The following PAK5 variants were observed in gnomAD, a reference collection of about 807,000 sequenced individuals.
The protein encoded by PAK5 is serine/threonine-protein kinase PAK 5.
Under a neutral mutation model 65.9 loss-of-function variants are expected in PAK5, and 16 were observed. That is an observed-to-expected ratio of 0.24 (90% CI 0.16 to 0.37). The LOEUF (loss-of-function observed/expected upper bound fraction) is 0.37, where lower values mean the gene tolerates loss of function less well. Among genes scored for constraint, PAK5 ranks in the 10% least tolerant of loss-of-function variants. PAK5 has a pLI of 1.00. For missense variants in PAK5, 785 were observed against 903.9 expected (o/e 0.87, Z 1.69); for synonymous variants, 371 against 354.9 (o/e 1.05, Z -0.51).
intron 2 of PAK5, among the ~76,000 whole-genome samples, chr20:9,678,435 C>G (rs569600535): frequency 6.6e-6 from 1 of 152,228 alleles, no homozygotes; most frequent in African/African-American, 2.4e-5. Flanking sequence ...GGCATTGTGG[C>G]AGGCGCCTGT....
chr20:9,789,698 G>A (rs903606662), intron 1 of PAK5, among the ~76,000 whole-genome samples: 4 of 152,086 alleles, frequency 2.6e-5, no homozygotes, highest in African/African-American at 9.7e-5. Context: ...GGGGAAGATG[G>A]GAAAGACCAG....
rs147129160 is a variant in PAK5, at chr20:9,691,139, T to C, written c.-12+20147A>G. The stretch of plus-strand genomic sequence containing the variant: ...CATATAGGCAGGGCAACAACATCTG[T>C]GCACCTTGCAGCTGCCTGCTAGTTT... On this transcript the variant is annotated intron_variant, in intron 2 of 9. Coordinates refer to ENST00000353224, the MANE Select transcript of PAK5 (RefSeq NM_177990.4). Among the ~76,000 whole-genome samples the C allele has an allele frequency of 6.2e-3, 942 of 152,284 alleles. 4 individuals carry two copies. The highest frequency in any genetic ancestry group is 0.022 in the African/African-American group (895 of 41,568).
At chr20:9,638,684 T>G (rs1316360782) in intron 3 of PAK5, among the ~76,000 whole-genome samples, 2 of 152,162 alleles carry the variant, frequency 1.3e-5, no homozygotes, top group Non-Finnish European at 2.9e-5. Context: ...TGATCTGCTG[T>G]ATGGCTGGAG....
At chr20:9,734,811 G>A (rs1475837954) in intron 1 of PAK5, among the ~76,000 whole-genome samples, 1 of 152,148 alleles carries the variant, frequency 6.6e-6, no homozygotes, top group Non-Finnish European at 1.5e-5. Flanking sequence ...AGAAACGAAG[G>A]AAGAGACAGG....
chr20:9,662,006 C>G (rs1045663077), intron 2 of PAK5, among the ~76,000 whole-genome samples: 2 of 152,098 alleles, frequency 1.3e-5, no homozygotes, highest in Admixed American at 1.3e-4. Flanking sequence ...GAAGGCCCTT[C>G]AGATAACTAT....
intron 4 of PAK5, chr20:9,575,530 A>G (rs2045871329): frequency 6.6e-6 from 1 of 152,222 alleles, no homozygotes; most frequent in Admixed American, 6.5e-5. Context: ...CTTAAGGTCA[A>G]ATAAATGCAT....
chr20:9,705,504 G>T (rs556857149), intron 2 of PAK5, among the ~76,000 whole-genome samples: 24 of 152,076 alleles, frequency 1.6e-4, no homozygotes, highest in Non-Finnish European at 2.9e-4. Flanking sequence ...TGGGAAAGAG[G>T]TTAATATGTA....
intron 1 of PAK5, among the ~76,000 whole-genome samples, chr20:9,770,574 G>T (rs1230069126): frequency 1.3e-5 from 2 of 152,156 alleles, no homozygotes; most frequent in Admixed American, 1.3e-4. Flanking sequence ...TGGGCATGAA[G>T]AGTTGAATGT....
intron 2 of PAK5, among the ~76,000 whole-genome samples, chr20:9,665,858 G>T (rs2047410122): frequency 6.6e-6 from 1 of 151,932 alleles, no homozygotes. Context: ...CCTTCCCACT[G>T]CTTAGAAATG....
At chr20:9,695,447 T>G (rs189635260) in intron 2 of PAK5, among the ~76,000 whole-genome samples, 1 of 152,228 alleles carries the variant, frequency 6.6e-6, no homozygotes. Context: ...AGTTCATAAA[T>G]ACATTATCCT....
intron 6 of PAK5, among the ~76,000 whole-genome samples, chr20:9,558,055 C>CATTCATTCATTT (rs2122959091): frequency 6.7e-6 from 1 of 148,994 alleles, no homozygotes; most frequent in African/African-American, 2.5e-5. Flanking sequence ...TTCATTCATT[C>CATTCATTCATTT]ATTCATTCAT....
chr20:9,719,487 A>T (rs367818563), intron 1 of PAK5, among the ~76,000 whole-genome samples: 4 of 152,106 alleles, frequency 2.6e-5, no homozygotes, highest in African/African-American at 4.8e-5. Flanking sequence ...AGAAGAATTG[A>T]GTTTCTAGGA....
intron 2 of PAK5, among the ~76,000 whole-genome samples, chr20:9,683,717 T>G (rs937821423): frequency 6.6e-6 from 1 of 152,098 alleles, no homozygotes; most frequent in African/African-American, 2.4e-5. Flanking sequence ...TTGGTACCTT[T>G]TTTTGTTTTG....
rs527885491 is a variant in PAK5, at chr20:9,636,456, C to T, written c.204+7669G>A. On this transcript the variant is annotated intron_variant, in intron 3 of 9. Transcript: ENST00000353224. ...TTTTAAAGCAGTACTCAGCAGCAGT[C>T]GATAAAAAAGGAAGAGACAGAACCT... Among the ~76,000 whole-genome samples the T allele has an allele frequency of 6.6e-5, 10 of 151,884 alleles. No individual in the cohort carries two copies. In the South Asian group the frequency reaches 1.3e-3, roughly 19 times the overall value.
chr20:9,716,959 C>T (rs1393706077), intron 1 of PAK5, among the ~76,000 whole-genome samples: 2 of 151,942 alleles, frequency 1.3e-5, no homozygotes, highest in Non-Finnish European at 2.9e-5. Flanking sequence ...GTGGTGCAGG[C>T]CTGTAGCCCC....
chr20:9,816,020 C>T (rs2049352895), intron 1 of PAK5, among the ~76,000 whole-genome samples: 2 of 152,084 alleles, frequency 1.3e-5, no homozygotes, highest in Non-Finnish European at 2.9e-5. Flanking sequence ...TGTCTAAAGT[C>T]AGTCTGATTT....
intron 1 of PAK5, among the ~76,000 whole-genome samples, chr20:9,713,070 G>A (rs2123492360): frequency 6.6e-6 from 1 of 152,166 alleles, no homozygotes; most frequent in South Asian, 2.1e-4. Flanking sequence ...AATCGACAAA[G>A]TTAAGAGACA....
intron 1 of PAK5, among the ~76,000 whole-genome samples, chr20:9,733,104 G>T (rs2048351197): frequency 6.6e-6 from 1 of 152,128 alleles, no homozygotes; most frequent in South Asian, 2.1e-4. Context: ...TACTGGCTAG[G>T]GACTGGATAG....
At chr20:9,555,977 G>A (rs944464814) in intron 7 of PAK5, among the ~76,000 whole-genome samples, 4 of 152,192 alleles carry the variant, frequency 2.6e-5, no homozygotes, top group Admixed American at 2.0e-4. Flanking sequence ...GATCACAACT[G>A]CAAGAGGGAG....
Sources: gnomAD v4.1 joint callset for allele counts (sites outside exome capture counted in the v4.1 genomes callset) on GRCh38, gnomAD v4.1.1 for gene constraint, MANE v1.5 for transcripts, NCBI Gene and HGNC (gene_info 2026-07-23, HGNC 2026-07-21) for gene names.